DNAH14: variants seen among roughly 807,000 people sequenced by gnomAD.
DNAH14 encodes axonemal beta dynein heavy chain 14.
In DNAH14, 478 loss-of-function variants were observed where a neutral mutation model predicts 520.9. The observed-to-expected ratio is 0.92, with a 90% CI of 0.85 to 0.99. The LOEUF (loss-of-function observed/expected upper bound fraction) is 0.99, where lower values mean the gene tolerates loss of function less well. Among genes scored for constraint, DNAH14 ranks in the 50% least tolerant of loss-of-function variants. DNAH14 has a pLI of 0.00. For synonymous variants in DNAH14, 1,581 were observed against 1,757.2 expected (o/e 0.90, Z 2.51); for missense variants, 4,831 against 5,234.5 (o/e 0.92, Z 2.38).
At chr1:225,379,834 T>C (rs2095757222) in intron 79 of DNAH14, among the ~76,000 whole-genome samples, 1 of 152,196 alleles carries the variant, frequency 6.6e-6, no homozygotes, top group Non-Finnish European at 1.5e-5. Flanking sequence ...CAATTTTTAT[T>C]TTTTTAATTG....
At chr1:225,201,825 T>A (rs2086864429) in intron 38 of DNAH14, among the ~76,000 whole-genome samples, 1 of 151,932 alleles carries the variant, frequency 6.6e-6, no homozygotes, top group Non-Finnish European at 1.5e-5. Flanking sequence ...TAATGCACTA[T>A]TTTTGTGCTT....
In DNAH14 at chr1:225,378,144, C is replaced by T. The variant is rs555014975; in HGVS notation, c.12716+708C>T. Among the ~76,000 whole-genome samples, 4 of 151,996 alleles carry T rather than the reference C, an allele frequency of 2.6e-5. No individual in the cohort carries two copies. The South Asian group carries it at 8.3e-4, about 32-fold the overall frequency. Reference sequence around the variant, plus strand: ...ACATTACAAATATTTAAGATACCAACATATTATAAGGAAATGCTTTTAATA... The same window carrying T: ...ACATTACAAATATTTAAGATACCAATATATTATAAGGAAATGCTTTTAATA... On this transcript the variant is annotated intron_variant, in intron 79 of 85. Coordinates refer to ENST00000682510, the MANE Select transcript of DNAH14 (RefSeq NM_001367479.1).
At position 225,080,518 on chromosome 1, in the gene DNAH14, C is replaced by T. The variant is rs2072998114; in HGVS notation, c.2906C>T (p.Ser969Phe). ...CATTATCAGGATTGTTTCAGTGATT[C>T]TCAATCTCATATGCATTCTGTTAAT... Reference protein sequence around the residue: ...YSHYQDCFSDSQSHMHSVNVE... With the variant: ...YSHYQDCFSDFQSHMHSVNVE... The change falls in exon 19 of 86, where the codon TCT becomes TTT. Residue 969 changes from serine (S) to phenylalanine (F), a missense_variant. Coordinates refer to ENST00000682510, the MANE Select transcript of DNAH14 (RefSeq NM_001367479.1). 4.5e-6 allele frequency: 7 copies of T among 1,551,702 alleles called. No homozygotes were observed. Among genetic ancestry groups the T allele is most frequent in the South Asian group, 2.4e-5 (2 of 84,056 alleles).
intron 62 of DNAH14, among the ~76,000 whole-genome samples, 161 bp downstream of exon 62, chr1:225,322,984 G>A (rs1326720570): frequency 2.6e-5 from 4 of 151,856 alleles, no homozygotes; most frequent in Non-Finnish European, 5.9e-5. Flanking sequence ...AGTTGGATAG[G>A]GAAAAGAAAT....
At chr1:225,132,532 CT>C (rs1280972267) in intron 27 of DNAH14, among the ~76,000 whole-genome samples, 10 of 152,172 alleles carry the variant, frequency 6.6e-5, no homozygotes, top group African/African-American at 2.4e-4. Context: ...ATCCATGTCC[CT>C]GCAAAGGACA....
intron 81 of DNAH14, among the ~76,000 whole-genome samples, chr1:225,385,241 A>G (rs1407363932): frequency 6.6e-6 from 1 of 152,182 alleles, no homozygotes; most frequent in Non-Finnish European, 1.5e-5. Context: ...AAATAATAAG[A>G]GCTATTTATG....
intron 36 of DNAH14, among the ~76,000 whole-genome samples, chr1:225,172,131 CTA>C (rs1390282827): frequency 2.6e-5 from 4 of 152,160 alleles, no homozygotes; most frequent in African/African-American, 9.7e-5. Flanking sequence ...TAAGAGCTAT[CTA>C]TGACAAACCC....
chr1:225,312,599 AT>A (rs1490627788), intron 60 of DNAH14, among the ~76,000 whole-genome samples: 2 of 152,256 alleles, frequency 1.3e-5, no homozygotes, highest in East Asian at 3.9e-4. Context: ...AATAGCTCTT[AT>A]TATTTTAAGA....
chr1:225,039,051 A>G (rs2067216362), intron 12 of DNAH14, among the ~76,000 whole-genome samples: 1 of 152,276 alleles, frequency 6.6e-6, no homozygotes. Flanking sequence ...AGTACTTACT[A>G]TGTTCCAGGC....
chr1:225,163,045 G>T (rs1243456788), intron 35 of DNAH14, among the ~76,000 whole-genome samples: 2 of 150,234 alleles, frequency 1.3e-5, no homozygotes, highest in Non-Finnish European at 2.9e-5. Context: ...GGATGAGGTG[G>T]GAGAATCGCT....
chr1:225,325,117 C>T (rs1368197380), intron 64 of DNAH14, among the ~76,000 whole-genome samples: 1 of 150,926 alleles, frequency 6.6e-6, no homozygotes, highest in Admixed American at 6.6e-5. Context: ...ATCTTTACAA[C>T]TTCAGTTTAC....
At chr1:225,234,994 A>T (rs2091469289) in intron 42 of DNAH14, among the ~76,000 whole-genome samples, 1 of 152,182 alleles carries the variant, frequency 6.6e-6, no homozygotes, top group Non-Finnish European at 1.5e-5. Context: ...TCTACAAAAA[A>T]GATAATTTGA....
rs373211886 is a variant in DNAH14 at position 225,377,447 on chromosome 1, G to T, written c.12716+11G>T. ...CAACCTCATGATCAGGTAAGAACTC[G>T]CTAGGAAAAATTGTTGGTCAAAAAT... On this transcript the variant is annotated intron_variant, in intron 79 of 85. Coordinates refer to ENST00000682510, the MANE Select transcript of DNAH14 (RefSeq NM_001367479.1). 2.0e-6 allele frequency: 3 copies of T among 1,532,916 alleles called. No individual in the cohort carries two copies. In the South Asian group the frequency reaches 3.7e-5, roughly 19 times the overall value. The allele number at this position is 1,532,916 out of a possible 1,614,324, so 95.0% of individuals were successfully genotyped here. A position where few individuals can be genotyped will look rare whatever the true frequency, so the allele number is the denominator to read the frequency against.
intron 7 of DNAH14, among the ~76,000 whole-genome samples, chr1:224,970,922 A>G (rs976365059): frequency 1.3e-5 from 2 of 152,226 alleles, no homozygotes; most frequent in Admixed American, 6.5e-5. Context: ...GGGATATTGT[A>G]TTGAACAAAC....
chr1:225,386,435 G>C (rs2095842958), intron 81 of DNAH14, among the ~76,000 whole-genome samples: 1 of 152,160 alleles, frequency 6.6e-6, no homozygotes, highest in South Asian at 2.1e-4. Flanking sequence ...CCATCAGATT[G>C]AACAGGCAAC....
At chr1:224,942,903 T>G (rs2125412466) in intron 1 of DNAH14, among the ~76,000 whole-genome samples, 1 of 152,334 alleles carries the variant, frequency 6.6e-6, no homozygotes, top group South Asian at 2.1e-4. Flanking sequence ...GGATTTGGTT[T>G]GCCAGTATTT....
chr1:225,130,573 A>G (rs532631228), intron 27 of DNAH14, among the ~76,000 whole-genome samples: 3 of 150,958 alleles, frequency 2.0e-5, no homozygotes, highest in East Asian at 2.0e-4. Context: ...CGCAAGGATA[A>G]AAAACCAAAC....
At chr1:224,962,300 C>A (rs939187419) in intron 4 of DNAH14, among the ~76,000 whole-genome samples, 1 of 152,072 alleles carries the variant, frequency 6.6e-6, no homozygotes, top group African/African-American at 2.4e-5. Flanking sequence ...GTATTTAAGG[C>A]CCTTAATCAA....
intron 79 of DNAH14, among the ~76,000 whole-genome samples, chr1:225,379,523 T>G (rs2095752600): frequency 6.6e-6 from 1 of 152,158 alleles, no homozygotes; most frequent in Non-Finnish European, 1.5e-5. Flanking sequence ...TCCTTTCCTT[T>G]TCTTTTTTTA....
Sources: gnomAD v4.1 joint callset for allele counts (sites outside exome capture counted in the v4.1 genomes callset) on GRCh38, gnomAD v4.1.1 for gene constraint, MANE v1.5 for transcripts, NCBI Gene and HGNC (gene_info 2026-07-23, HGNC 2026-07-21) for gene names.